The following GRID2 variants were observed in gnomAD, a reference collection of about 807,000 sequenced individuals.
GRID2 encodes glutamate ionotropic receptor delta type subunit 2, also known as glutamate receptor ionotropic, delta-2.
A neutral mutation model predicts 114.8 loss-of-function variants in GRID2; 33 were observed. The ratio of observed to expected loss-of-function variants is 0.29; its 90% confidence interval spans 0.22 to 0.38. The LOEUF is 0.38. GRID2 is among the 10% of genes least tolerant of loss of function. The probability of loss-of-function intolerance (pLI) is 1.00; values close to 1 mark genes in which losing one functional copy is unlikely to be tolerated. For synonymous variants in GRID2, 505 were observed against 449.9 expected (o/e 1.12, Z -1.55); for missense variants, 1,184 against 1,257.7 (o/e 0.94, Z 0.89).
At chr4:92,534,595 T>C (rs1725515399) in intron 1 of GRID2, among the ~76,000 whole-genome samples, 1 of 152,138 alleles carries the variant, frequency 6.6e-6, no homozygotes, top group African/African-American at 2.4e-5. Flanking sequence ...TGTTACTATG[T>C]TCTCTAATAA....
chr4:93,702,731 A>G (rs1727620123), intron 14 of GRID2, among the ~76,000 whole-genome samples: 1 of 152,140 alleles, frequency 6.6e-6, no homozygotes, highest in Admixed American at 6.6e-5. Flanking sequence ...TTGTTCATTT[A>G]ATAAATATTT....
intron 1 of GRID2, among the ~76,000 whole-genome samples, chr4:92,478,038 C>T (rs768358799): frequency 1.7e-4 from 26 of 151,472 alleles, no homozygotes; most frequent in South Asian, 4.2e-4. Flanking sequence ...AATGAGGAAA[C>T]GGCCTAGAAA....
chr4:92,945,489 G>A (rs984311111), intron 2 of GRID2, among the ~76,000 whole-genome samples: 8 of 152,046 alleles, frequency 5.3e-5, no homozygotes, highest in African/African-American at 1.9e-4. Context: ...TATTCATTGA[G>A]ATACCAAGAC....
At chr4:93,539,965 A>G (rs1732492458) in intron 13 of GRID2, among the ~76,000 whole-genome samples, 1 of 152,108 alleles carries the variant, frequency 6.6e-6, no homozygotes, top group South Asian at 2.1e-4. Context: ...GAAAGTTTTA[A>G]AAAATTATTT....
chr4:92,743,543 AT>A (rs1737000421), intron 2 of GRID2, among the ~76,000 whole-genome samples: 1 of 152,060 alleles, frequency 6.6e-6, no homozygotes, highest in South Asian at 2.1e-4. Flanking sequence ...ACATATTTTT[AT>A]TTATATTTAT....
chr4:93,775,022 A>G (rs2110346340), downstream of GRID2, among the ~76,000 whole-genome samples: 1 of 152,238 alleles, frequency 6.6e-6, no homozygotes, highest in South Asian at 2.1e-4. Context: ...TTGGGAATTA[A>G]TTTAGGTTCT....
chr4:92,754,387 C>T (rs1004778619), intron 2 of GRID2, among the ~76,000 whole-genome samples: 4 of 152,092 alleles, frequency 2.6e-5, no homozygotes, highest in Non-Finnish European at 2.9e-5. Context: ...AGGAGATAGA[C>T]GATCCCAGGT....
intron 2 of GRID2, among the ~76,000 whole-genome samples, chr4:92,632,315 T>C (rs1464421923): frequency 6.6e-6 from 1 of 152,138 alleles, no homozygotes; most frequent in Non-Finnish European, 1.5e-5. Flanking sequence ...TTTTCATTCC[T>C]TTATATGGTT....
chr4:93,646,189 G>A (rs1472156834), intron 14 of GRID2, among the ~76,000 whole-genome samples: 1 of 152,082 alleles, frequency 6.6e-6, no homozygotes, highest in Admixed American at 6.6e-5. Context: ...AAAATAAATG[G>A]GATAATTTTA....
chr4:92,718,761 CAAAAAAAAAAAAA>C (rs3077559), intron 2 of GRID2, among the ~76,000 whole-genome samples: 1 of 41,790 alleles, frequency 2.4e-5, no homozygotes, highest in African/African-American at 9.7e-5. Context: ...AGACCCTGTC[CAAAAAAAAAAAAA>C]AAAAAAAAAG....
chr4:93,707,870 G>A (rs1221373096), intron 14 of GRID2, among the ~76,000 whole-genome samples: 1 of 151,670 alleles, frequency 6.6e-6, no homozygotes, highest in Non-Finnish European at 1.5e-5. Context: ...GTATTCCAAA[G>A]GTTTTGGTAT....
At chr4:92,315,562 G>A (rs1158312761) in intron 1 of GRID2, among the ~76,000 whole-genome samples, 6 of 152,086 alleles carry the variant, frequency 3.9e-5, no homozygotes, top group East Asian at 1.9e-4. Flanking sequence ...CCTAAAACTG[G>A]TGAAGTGTTT....
intron 8 of GRID2, among the ~76,000 whole-genome samples, chr4:93,373,075 G>A (rs1369178067): frequency 1.3e-5 from 2 of 152,034 alleles, no homozygotes; most frequent in African/African-American, 2.4e-5. Context: ...CATCTCCTAA[G>A]CTGTCAGAGG....
intron 2 of GRID2, among the ~76,000 whole-genome samples, chr4:92,651,335 C>T (rs950118339): frequency 6.6e-6 from 1 of 152,028 alleles, no homozygotes; most frequent in African/African-American, 2.4e-5. Context: ...GCGTATACAA[C>T]AGTGGTCATA....
intron 2 of GRID2, among the ~76,000 whole-genome samples, chr4:93,045,657 C>G (rs972488076): frequency 2.0e-5 from 3 of 152,094 alleles, no homozygotes; most frequent in African/African-American, 7.2e-5. Flanking sequence ...TCACTTTGCC[C>G]TTGGCATCTT....
chr4:93,555,333 G>T (rs1389175560), intron 13 of GRID2, among the ~76,000 whole-genome samples: 1 of 152,152 alleles, frequency 6.6e-6, no homozygotes, highest in Non-Finnish European at 1.5e-5. Flanking sequence ...CACTCCCATG[G>T]AGCCCAGCAA....
intron 8 of GRID2, among the ~76,000 whole-genome samples, chr4:93,279,929 T>C (rs990050095): frequency 6.6e-6 from 1 of 151,906 alleles, no homozygotes; most frequent in Non-Finnish European, 1.5e-5. Context: ...CTGCGGAGTT[T>C]GGATTTTACC....
intron 8 of GRID2, among the ~76,000 whole-genome samples, chr4:93,342,304 A>G (rs1293126882): frequency 2.0e-5 from 3 of 152,022 alleles, no homozygotes; most frequent in African/African-American, 4.8e-5. Context: ...CTTCCCTCAT[A>G]TATGCCAACT....
intron 1 of GRID2, among the ~76,000 whole-genome samples, chr4:92,305,432 G>A (rs1300308527): frequency 5.9e-5 from 9 of 152,166 alleles, no homozygotes; most frequent in Non-Finnish European, 1.3e-4. Flanking sequence ...GCCTGGCGCG[G>A]CGGCGAAACT....
Sources: allele counts gnomAD v4.1 joint callset (sites outside exome capture counted in the v4.1 genomes callset), GRCh38; gene constraint gnomAD v4.1.1; transcripts MANE v1.5; gene names NCBI Gene and HGNC (gene_info 2026-07-23, HGNC 2026-07-21).